The following SCHIP1 variants were observed in gnomAD, a reference collection of about 807,000 sequenced individuals.
The protein encoded by SCHIP1 is schwannomin interacting protein 1.
SCHIP1 carries 8 observed loss-of-function variants against 29.7 expected under a neutral mutation model. That is an observed-to-expected ratio of 0.27 (90% CI 0.16 to 0.49). The LOEUF (loss-of-function observed/expected upper bound fraction) is 0.49, where lower values mean the gene tolerates loss of function less well. SCHIP1 is among the 20% of genes least tolerant of loss of function. The probability of loss-of-function intolerance (pLI) is 0.99; values close to 1 mark genes in which losing one functional copy is unlikely to be tolerated. For synonymous variants in SCHIP1, 76 were observed against 94.9 expected, an observed-to-expected ratio of 0.80 and a Z score of 1.16; for missense variants, 193 against 294.6, an observed-to-expected ratio of 0.66 and a Z score of 2.52.
At chr3:159,853,316 G>A (rs2109119998) in intron 1 of SCHIP1, 1 of 651,596 alleles carries the variant, frequency 1.5e-6, no homozygotes. Context: ...TGGGCAATTG[G>A]CACATCAGCC....
At chr3:159,553,899 C>T in the SCHIP1 span, among the ~76,000 whole-genome samples, 1 of 152,020 alleles carries the variant, frequency 6.6e-6, no homozygotes, top group Non-Finnish European at 1.5e-5. Flanking sequence ...CTCCTGGGTT[C>T]ACGCCATTCT....
the SCHIP1 span, among the ~76,000 whole-genome samples, chr3:159,830,626 C>CAAA: frequency 6.6e-6 from 1 of 152,252 alleles, no homozygotes; most frequent in East Asian, 1.9e-4. Context: ...CCCTTACTTT[C>CAAA]TATTTTTGGG....
chr3:159,398,534 AG>A, the SCHIP1 span, among the ~76,000 whole-genome samples: 1 of 152,234 alleles, frequency 6.6e-6, no homozygotes, highest in African/African-American at 2.4e-5. Flanking sequence ...GTAGCATGTT[AG>A]CATGAAAGTA....
At chr3:159,668,910 G>GAA in the SCHIP1 span, among the ~76,000 whole-genome samples, 1 of 149,530 alleles carries the variant, frequency 6.7e-6, no homozygotes, top group Non-Finnish European at 1.5e-5. Flanking sequence ...TATCTAAAAG[G>GAA]AAAAAAAAAA....
At position 159,861,710 on chromosome 3, in the gene SCHIP1, T is replaced by C. The variant is rs1347747513; in HGVS notation, c.31-4453T>C. On this transcript the variant is annotated intron_variant, in intron 1 of 6. Coordinates refer to ENST00000445224, the Ensembl canonical transcript of SCHIP1. This position sits in a 1 kb window ranked among gnomAD's most constrained non-coding sequence, Gnocchi z 4.1. ...TGAGCCCTGTTCCTCAGTTGCCCTTTGTTTTTGCTAGCAATACTAATTTTA... is the reference window on the plus strand; with the variant it reads ...TGAGCCCTGTTCCTCAGTTGCCCTTCGTTTTTGCTAGCAATACTAATTTTA... Among the ~76,000 whole-genome samples the C allele has an allele frequency of 6.6e-6, 1 of 152,204 alleles. No individual in the cohort carries two copies. Among genetic ancestry groups the C allele is most frequent in the Non-Finnish European group, 1.5e-5 (1 of 68,038 alleles).
At chr3:159,755,604 G>A in the SCHIP1 span, among the ~76,000 whole-genome samples, 1 of 152,088 alleles carries the variant, frequency 6.6e-6, no homozygotes, top group African/African-American at 2.4e-5. Context: ...ATTTGAAAAC[G>A]AATCATGCCT....
At chr3:159,513,719 C>G in the SCHIP1 span, among the ~76,000 whole-genome samples, 1 of 152,166 alleles carries the variant, frequency 6.6e-6, no homozygotes, top group East Asian at 1.9e-4. Context: ...CTCCAGACAA[C>G]GGCACAGAAA....
the SCHIP1 span, among the ~76,000 whole-genome samples, chr3:159,309,903 A>C: frequency 6.6e-6 from 1 of 152,218 alleles, no homozygotes; most frequent in African/African-American, 2.4e-5. Flanking sequence ...CCATGTAGCA[A>C]GAATCAATAA....
chr3:159,559,844 G>A, the SCHIP1 span, among the ~76,000 whole-genome samples: 3 of 152,066 alleles, frequency 2.0e-5, no homozygotes, highest in African/African-American at 7.3e-5. Flanking sequence ...TGGCTTTAGT[G>A]ATGAACCTTT....
the SCHIP1 span, among the ~76,000 whole-genome samples, chr3:159,654,921 G>C: frequency 6.6e-6 from 1 of 151,932 alleles, no homozygotes; most frequent in African/African-American, 2.4e-5. Flanking sequence ...GACCAGAAGT[G>C]ATAGGACTGG....
intron 6 of SCHIP1, 85 bp from the exon 8 acceptor site, chr3:159,896,638 G>C: frequency 7.4e-7 from 1 of 1,349,176 alleles, no homozygotes; most frequent in Non-Finnish European, 9.9e-7. Context: ...CTGAACTTCA[G>C]TTTGCAGGAT....
At chr3:159,404,007 C>G in the SCHIP1 span, among the ~76,000 whole-genome samples, 1,015 of 152,288 alleles carry the variant, frequency 6.7e-3, 10 homozygotes, top group South Asian at 0.032. Flanking sequence ...TCCTGGATAA[C>G]ATTTTTAGAC....
Position 159,886,666 on chromosome 3 carries a change from G to A in SCHIP1, c.267+342G>A, listed in dbSNP as rs145383148. ...AGCTACTCAGGAGGCTGAGGCGGGA[G>A]GATCAGCTGAGCCCAGGAGTTCAAG... On this transcript the variant is annotated intron_variant, in intron 3 of 6. Coordinates refer to ENST00000445224, the Ensembl canonical transcript of SCHIP1. 2,160 of 226,296 alleles carry A rather than the reference G, an allele frequency of 9.5e-3. 44 individuals carry two copies. Among genetic ancestry groups the A allele is most frequent in the African/African-American group, 0.047 (2,022 of 42,924 alleles). The allele number at this position is 226,296 out of a possible 1,614,324, so 14.0% of individuals were successfully genotyped here. A position where few individuals can be genotyped will look rare whatever the true frequency, so the allele number is the denominator to read the frequency against.
chr3:159,880,519 T>C (rs970167748), intron 2 of SCHIP1, among the ~76,000 whole-genome samples: 10 of 152,224 alleles, frequency 6.6e-5, no homozygotes, highest in African/African-American at 2.4e-4. Flanking sequence ...AGTTTTTATT[T>C]GCATCACTTA....
At chr3:159,874,643 G>T (rs1715598097) in intron 2 of SCHIP1, among the ~76,000 whole-genome samples, 1 of 152,178 alleles carries the variant, frequency 6.6e-6, no homozygotes. Flanking sequence ...CGAATCACAG[G>T]TCGAACCAGC....
At chr3:159,808,347 A>G in the SCHIP1 span, 2 of 152,142 alleles carry the variant, frequency 1.3e-5, no homozygotes. Context: ...ACAGAACCCT[A>G]ATTTGCCTGG....
the SCHIP1 span, among the ~76,000 whole-genome samples, chr3:159,338,038 T>C: frequency 3.3e-5 from 5 of 152,182 alleles, no homozygotes; most frequent in African/African-American, 1.2e-4. Flanking sequence ...TTCCTTCCTT[T>C]CTAGAAATCT....
At chr3:159,651,615 G>C in the SCHIP1 span, among the ~76,000 whole-genome samples, 8 of 152,142 alleles carry the variant, frequency 5.3e-5, no homozygotes, top group Non-Finnish European at 8.8e-5. Flanking sequence ...ATTTCCATTA[G>C]CACCTCTGTA....
the SCHIP1 span, among the ~76,000 whole-genome samples, chr3:159,490,101 GTAA>G: frequency 5.9e-5 from 9 of 152,126 alleles, no homozygotes; most frequent in East Asian, 5.8e-4. Flanking sequence ...ATTTTGTTTT[GTAA>G]TTTATACAAA....
Sources: gnomAD v4.1 joint callset for allele counts (sites outside exome capture counted in the v4.1 genomes callset) on GRCh38, gnomAD v4.1.1 for gene constraint, Gnocchi (gnomAD v3.1) non-coding constraint, MANE v1.5 for transcripts, NCBI Gene and HGNC (gene_info 2026-07-23, HGNC 2026-07-21) for gene names.